NRXN1: variants seen among roughly 807,000 people sequenced by gnomAD.
The protein encoded by NRXN1 is neurexin 1.
In NRXN1, 39 loss-of-function variants were observed where a neutral mutation model predicts 150.9. The ratio of observed to expected loss-of-function variants is 0.26; its 90% CI spans 0.20 to 0.34. The LOEUF (loss-of-function observed/expected upper bound fraction) is 0.34. Ranked by LOEUF, NRXN1 falls within the 10% of genes least tolerant of loss-of-function variation. The pLI is 1.00. For synonymous variants in NRXN1, 924 were observed against 757.0 expected, an observed-to-expected ratio of 1.22 and a Z score of -3.62; for missense variants, 1,815 against 1,949.9, an observed-to-expected ratio of 0.93 and a Z score of 1.30.
intron 2 of NRXN1, among the ~76,000 whole-genome samples, chr2:51,010,796 CTT>C (rs35134042): frequency 1.9e-4 from 28 of 143,988 alleles, no homozygotes; most frequent in East Asian, 2.0e-4. Flanking sequence ...CTTTTCTGTG[CTT>C]TTTTTTTTTT....
chr2:50,706,866 T>C (rs899611655), intron 5 of NRXN1, among the ~76,000 whole-genome samples: 3 of 151,954 alleles, frequency 2.0e-5, no homozygotes, highest in African/African-American at 7.2e-5. Flanking sequence ...TCCCATTTCA[T>C]ATTTTGACAA....
chr2:50,964,818 T>C (rs1254414645), intron 2 of NRXN1, among the ~76,000 whole-genome samples: 1 of 151,454 alleles, frequency 6.6e-6, no homozygotes, highest in Non-Finnish European at 1.5e-5. Context: ...CAACTTCCAT[T>C]AAGTCATTTA....
chr2:50,896,692 C>A (rs1669443435), intron 5 of NRXN1, among the ~76,000 whole-genome samples: 1 of 151,926 alleles, frequency 6.6e-6, no homozygotes, highest in African/African-American at 2.4e-5. Flanking sequence ...ACTAAAAATA[C>A]AAAATTAGCT....
At chr2:50,142,158 A>G (rs1707363316) in intron 18 of NRXN1, among the ~76,000 whole-genome samples, 1 of 152,070 alleles carries the variant, frequency 6.6e-6, no homozygotes, top group Non-Finnish European at 1.5e-5. Flanking sequence ...TTGCAGCAAC[A>G]TGAATGAAAC....
chr2:50,531,308 T>C lies in NRXN1; in HGVS notation c.2266A>G (p.Met756Val), dbSNP rs1333163275. The C allele has an allele frequency of 1.2e-6, 2 of 1,613,500 alleles. No individual in the cohort carries two copies. Among genetic ancestry groups the C allele is most frequent in the Non-Finnish European group, 1.7e-6 (2 of 1,179,764 alleles). The change falls in exon 11 of 23, where the codon ATG becomes GTG. Residue 756 changes from methionine (M) to valine (V), a missense_variant. By Grantham distance (21) the Met-to-Val change is conservative (BLOSUM62 1). Around this residue, in one of 6 missense-constraint regions of NRXN1, gnomAD observed 638 missense variants for 652.6 expected, o/e 0.98. Transcript: ENST00000401669. ...GCAGAGTCTCTAGAAGTGGTTGCCATCAGAATGCCATATGCACGCTGGGAT... is the reference window on the plus strand; with the variant it reads ...GCAGAGTCTCTAGAAGTGGTTGCCACCAGAATGCCATATGCACGCTGGGAT... Reference protein sequence around the residue: ...FRSQRAYGILMATTSRDSADT... With the variant: ...FRSQRAYGILVATTSRDSADT...
intron 2 of NRXN1, among the ~76,000 whole-genome samples, chr2:50,993,400 T>C (rs978157184): frequency 5.9e-5 from 9 of 151,942 alleles, no homozygotes; most frequent in African/African-American, 2.2e-4. Context: ...TTATCTTCTG[T>C]TTTAGGTTCC....
intron 19 of NRXN1, among the ~76,000 whole-genome samples, chr2:50,075,039 G>A (rs996646832): frequency 1.3e-5 from 2 of 152,106 alleles, no homozygotes; most frequent in Admixed American, 6.5e-5. Flanking sequence ...CTATTGCAAG[G>A]GCAAGAAATT....
intron 5 of NRXN1, among the ~76,000 whole-genome samples, chr2:50,747,470 C>CAT (rs1212002639): frequency 6.6e-6 from 1 of 152,098 alleles, no homozygotes; most frequent in Non-Finnish European, 1.5e-5. Context: ...CACAGTCAAC[C>CAT]ATATGTTAGA....
intron 18 of NRXN1, among the ~76,000 whole-genome samples, chr2:50,188,776 T>A (rs1159689903): frequency 1.3e-5 from 2 of 152,126 alleles, no homozygotes; most frequent in Non-Finnish European, 2.9e-5. Context: ...AAGCTCATCA[T>A]CACTGGTCAT....
intron 17 of NRXN1, 65 bp from the exon 18 acceptor site, chr2:50,237,035 T>A: frequency 6.8e-7 from 1 of 1,465,964 alleles, no homozygotes; most frequent in Non-Finnish European, 9.5e-7. Flanking sequence ...GCAAGGCATG[T>A]TATATTGATA....
intron 18 of NRXN1, among the ~76,000 whole-genome samples, chr2:50,151,936 TACCA>T: frequency 6.6e-6 from 1 of 151,792 alleles, no homozygotes; most frequent in East Asian, 1.9e-4. Flanking sequence ...AGAAAATGAT[TACCA>T]ATAATAATCT....
chr2:50,203,483 A>G (rs2062338288), intron 18 of NRXN1, among the ~76,000 whole-genome samples: 1 of 152,052 alleles, frequency 6.6e-6, no homozygotes, highest in Admixed American at 6.6e-5. Context: ...TTTTTTATAT[A>G]CTGAGTTTTC....
intron 5 of NRXN1, among the ~76,000 whole-genome samples, chr2:50,813,431 T>A (rs1156603654): frequency 6.6e-6 from 1 of 152,166 alleles, no homozygotes; most frequent in Admixed American, 6.5e-5. Context: ...TTATTAGTAA[T>A]GTATTACATT....
At chr2:50,255,857 T>C (rs1268576610) in intron 17 of NRXN1, among the ~76,000 whole-genome samples, 1 of 152,154 alleles carries the variant, frequency 6.6e-6, no homozygotes, top group African/African-American at 2.4e-5. Flanking sequence ...ATTAACTAAT[T>C]AAAATTAATT....
intron 5 of NRXN1, among the ~76,000 whole-genome samples, chr2:50,743,357 T>C (rs900362451): frequency 4.6e-5 from 7 of 152,148 alleles, no homozygotes; most frequent in Admixed American, 1.3e-4. Context: ...AGATGTTAAT[T>C]GAGGGTGGCA....
intron 5 of NRXN1, among the ~76,000 whole-genome samples, chr2:50,862,038 C>T (rs1676211389): frequency 6.6e-6 from 1 of 151,624 alleles, no homozygotes; most frequent in Non-Finnish European, 1.5e-5. Context: ...CCTGTCTCCA[C>T]TAAAAATAAA....
chr2:50,113,145 C>T (rs1267482900), intron 18 of NRXN1, among the ~76,000 whole-genome samples: 5 of 152,190 alleles, frequency 3.3e-5, no homozygotes, highest in Non-Finnish European at 5.9e-5. Context: ...ACACATCCTT[C>T]AATCCCTATC....
intron 18 of NRXN1, among the ~76,000 whole-genome samples, chr2:50,219,953 A>AAT (rs1491163853): frequency 1.6e-5 from 1 of 62,454 alleles, no homozygotes; most frequent in African/African-American, 1.1e-4. Context: ...TTATATATAT[A>AAT]ATATATATAT....
At chr2:50,449,876 T>G (rs1376179787) in intron 17 of NRXN1, among the ~76,000 whole-genome samples, 1 of 152,116 alleles carries the variant, frequency 6.6e-6, no homozygotes, top group East Asian at 1.9e-4. Context: ...TCTTTAATTC[T>G]CAAATCAACC....
Sources: allele counts gnomAD v4.1 joint callset (sites outside exome capture counted in the v4.1 genomes callset), GRCh38; gene constraint gnomAD v4.1.1; regional missense constraint gnomAD v4.1.1; transcripts MANE v1.5; gene names NCBI Gene and HGNC (gene_info 2026-07-23, HGNC 2026-07-21).